Variants in MAGI2 observed in about 807,000 individuals in gnomAD.
The protein encoded by MAGI2 is membrane associated guanylate kinase, WW and PDZ domain containing 2.
MAGI2 carries 35 observed loss-of-function variants against 133.3 expected under a neutral mutation model. The observed-to-expected ratio is 0.26, with a 90% CI of 0.20 to 0.35. The LOEUF is 0.35. MAGI2 is among the 10% of genes least tolerant of loss of function. MAGI2 has a pLI of 1.00. For missense variants in MAGI2, 1,636 were observed against 1,863.4 expected, an observed-to-expected ratio of 0.88 and a Z score of 2.25; for synonymous variants, 729 against 710.6, an observed-to-expected ratio of 1.03 and a Z score of -0.41.
intron 6 of MAGI2, among the ~76,000 whole-genome samples, chr7:78,456,406 T>C (rs571568267): frequency 6.6e-6 from 1 of 152,288 alleles, no homozygotes; most frequent in Non-Finnish European, 1.5e-5. Flanking sequence ...TTGAGTAAAG[T>C]GGCATTTTTC....
intron 9 of MAGI2, among the ~76,000 whole-genome samples, chr7:78,277,743 T>A (rs1795188949): frequency 6.6e-6 from 1 of 152,172 alleles, no homozygotes. Flanking sequence ...CAAGTGGGTA[T>A]ACCCCAGGAA....
chr7:78,080,272 A>G (rs529286383), intron 20 of MAGI2, among the ~76,000 whole-genome samples: 1 of 152,306 alleles, frequency 6.6e-6, no homozygotes, highest in African/African-American at 2.4e-5. Flanking sequence ...GAAGGTAAAG[A>G]CCTTCCTTTG....
chr7:78,154,282 A>G (rs1824170668), intron 16 of MAGI2, among the ~76,000 whole-genome samples: 1 of 152,324 alleles, frequency 6.6e-6, no homozygotes, highest in African/African-American at 2.4e-5. Flanking sequence ...CAGTGGCCTT[A>G]GGGAAAGTCA....
chr7:78,055,065 A>C (rs949618000), intron 21 of MAGI2, among the ~76,000 whole-genome samples: 1 of 152,186 alleles, frequency 6.6e-6, no homozygotes, highest in Non-Finnish European at 1.5e-5. Flanking sequence ...TTTTTTAAAT[A>C]GGTGACATCC....
At chr7:78,861,939 G>A (rs1025643614) in intron 2 of MAGI2, among the ~76,000 whole-genome samples, 1 of 152,100 alleles carries the variant, frequency 6.6e-6, no homozygotes, top group Non-Finnish European at 1.5e-5. Context: ...GAAGTGTGGA[G>A]CTGTTCTTAC....
chr7:78,933,194 G>T (rs1484765620), intron 2 of MAGI2, among the ~76,000 whole-genome samples: 1 of 152,044 alleles, frequency 6.6e-6, no homozygotes, highest in Non-Finnish European at 1.5e-5. Flanking sequence ...CTTGACAACT[G>T]TTCTCCTCAC....
At chr7:78,098,436 G>T (rs186881903) in intron 20 of MAGI2, among the ~76,000 whole-genome samples, 2 of 152,160 alleles carry the variant, frequency 1.3e-5, no homozygotes, top group East Asian at 3.9e-4. Flanking sequence ...TCATATAGAG[G>T]ATACAGTTCA....
At chr7:78,987,127 G>A (rs143453979) in intron 2 of MAGI2, among the ~76,000 whole-genome samples, 1 of 152,028 alleles carries the variant, frequency 6.6e-6, no homozygotes, top group Non-Finnish European at 1.5e-5. Context: ...AATACAACTG[G>A]TGTGGTGGAT....
chr7:78,097,248 G>A (rs947990225), intron 20 of MAGI2, among the ~76,000 whole-genome samples: 3 of 152,024 alleles, frequency 2.0e-5, no homozygotes, highest in Non-Finnish European at 2.9e-5. Flanking sequence ...TGTGGAAAGC[G>A]GTATGGCGAT....
At chr7:78,219,037 G>A (rs1788544008) in intron 10 of MAGI2, among the ~76,000 whole-genome samples, 1 of 152,096 alleles carries the variant, frequency 6.6e-6, no homozygotes, top group African/African-American at 2.4e-5. Flanking sequence ...TGTCTCTAAT[G>A]GCTGCTCTGG....
chr7:78,364,242 G>A (rs942165822), intron 7 of MAGI2, among the ~76,000 whole-genome samples: 5 of 152,160 alleles, frequency 3.3e-5, no homozygotes, highest in African/African-American at 1.2e-4. Context: ...AATTGGAAAT[G>A]TTTCATATGT....
chr7:78,891,789 A>G (rs994363952), intron 2 of MAGI2, among the ~76,000 whole-genome samples: 3 of 152,148 alleles, frequency 2.0e-5, no homozygotes, highest in Non-Finnish European at 2.9e-5. Context: ...ATGGGCAAAA[A>G]CTGGAAGCAT....
intron 1 of MAGI2, chr7:79,410,528 G>C (rs941957625): frequency 6.6e-6 from 1 of 152,098 alleles, no homozygotes; most frequent in Non-Finnish European, 1.5e-5. Context: ...AGTACATAAG[G>C]AACAGGGATG....
rs149168806 is a variant in MAGI2 at position 79,205,557 on chromosome 7, C to T, written c.302-198351G>A. Among the ~76,000 whole-genome samples, 1,246 of 151,752 alleles carry T rather than the reference C, an allele frequency of 8.2e-3. 7 individuals carry two copies. The highest frequency in any genetic ancestry group is 0.014 in the Non-Finnish European group (919 of 67,946). On this transcript the variant is annotated intron_variant, in intron 1 of 21. Coordinates refer to ENST00000354212, the MANE Select transcript of MAGI2 (RefSeq NM_012301.4). Reference sequence around the variant, plus strand: ...TGAAAATATATGAAAGTATAAAACTCACTGGTAAAAGTAAGCACAAGTCAA... The same window carrying T: ...TGAAAATATATGAAAGTATAAAACTTACTGGTAAAAGTAAGCACAAGTCAA...
At chr7:78,175,867 T>C (rs1364530727) in intron 14 of MAGI2, among the ~76,000 whole-genome samples, 2 of 152,206 alleles carry the variant, frequency 1.3e-5, no homozygotes, top group East Asian at 1.9e-4. Flanking sequence ...AAAATCCTGC[T>C]GATTAAAACA....
chr7:79,057,795 A>G (rs1813291083), intron 1 of MAGI2, among the ~76,000 whole-genome samples: 2 of 152,094 alleles, frequency 1.3e-5, no homozygotes, highest in Admixed American at 1.3e-4. Context: ...GAGCATGTTA[A>G]AGTATGAGAA....
At chr7:78,826,279 G>C (rs767781327) in intron 2 of MAGI2, among the ~76,000 whole-genome samples, 1 of 151,110 alleles carries the variant, frequency 6.6e-6, no homozygotes, top group Admixed American at 6.6e-5. Context: ...GCATGAACCC[G>C]GGAGGCGGAG....
intron 2 of MAGI2, among the ~76,000 whole-genome samples, chr7:78,859,552 A>C (rs575592325): frequency 1.6e-4 from 24 of 152,336 alleles, no homozygotes; most frequent in African/African-American, 5.8e-4. Flanking sequence ...TTCTTTAGGA[A>C]TGTTGAATAT....
intron 6 of MAGI2, among the ~76,000 whole-genome samples, chr7:78,462,326 A>G (rs112115638): frequency 0.015 from 2,252 of 152,320 alleles, 61 homozygotes; most frequent in African/African-American, 0.052. Context: ...AGGTGCATTC[A>G]GCATTGAAAC....
Sources: allele counts gnomAD v4.1 joint callset (sites outside exome capture counted in the v4.1 genomes callset), GRCh38; gene constraint gnomAD v4.1.1; transcripts MANE v1.5; gene names NCBI Gene and HGNC (gene_info 2026-07-23, HGNC 2026-07-21).